The following ITGB5 variants were observed in gnomAD, a reference collection of about 807,000 sequenced individuals.
ITGB5 encodes integrin subunit beta 5, also known as integrin beta-5.
A neutral mutation model predicts 84.8 loss-of-function variants in ITGB5; 38 were observed. That is an observed-to-expected ratio of 0.45 (90% CI 0.35 to 0.59). ITGB5 has a LOEUF of 0.59. Among genes scored for constraint, ITGB5 ranks in the 20% least tolerant of loss-of-function variants. The pLI, the probability that ITGB5 is intolerant of heterozygous loss-of-function variation, is 0.01. For synonymous variants in ITGB5, 393 were observed against 414.4 expected (o/e 0.95, Z 0.63); for missense variants, 905 against 1,034.5 (o/e 0.87, Z 1.72).
rs1257215819 is a variant in ITGB5 at position 124,764,569 on chromosome 3, A to G, written c.2138-12T>C. On this transcript the variant is annotated splice_polypyrimidine_tract_variant and intron_variant, in intron 13 of 14. Transcript: ENST00000296181. ...GGTGTTTCCACACTCTGGGGGGACCAGAAGCATGGTAAGCAAAGCCACTAG... is the reference window on the plus strand; with the variant it reads ...GGTGTTTCCACACTCTGGGGGGACCGGAAGCATGGTAAGCAAAGCCACTAG... The G allele has an allele frequency of 2.5e-6, 4 of 1,595,490 alleles. No homozygotes were observed. Among genetic ancestry groups the G allele is most frequent in the Non-Finnish European group, 3.4e-6 (4 of 1,165,056 alleles).
intron 10 of ITGB5, among the ~76,000 whole-genome samples, chr3:124,786,731 A>C (rs72972517): frequency 0.018 from 2,726 of 152,288 alleles, 82 homozygotes; most frequent in African/African-American, 0.063. Flanking sequence ...TGTTCTGAGC[A>C]TGACAGACAC....
chr3:124,808,887 C>T, intron 9 of ITGB5, 135 bp downstream of exon 9: 1 of 963,050 alleles, frequency 1.0e-6, no homozygotes, highest in Non-Finnish European at 1.6e-6. Flanking sequence ...GCTTAGGAGA[C>T]TCCTCTGGGA....
chr3:124,897,201 A>G lies in ITGB5; in HGVS notation c.-255+4065T>C, dbSNP rs1160365044. Among the ~76,000 whole-genome samples the G allele has an allele frequency of 3.3e-5, 5 of 152,188 alleles. No individual in the cohort carries two copies. The East Asian group carries it at 7.7e-4, about 23-fold the overall frequency. The stretch of plus-strand genomic sequence containing the variant: ...TGCTTCCTTTGTGAAGCCTTCCAGA[A>G]CTACTGTTGACAGAATGTTTTCCTC... On this transcript the variant is annotated intron_variant, in intron 1 of 4. Coordinates refer to the ITGB5 transcript ENST00000608657.
chr3:124,850,637 T>C (rs2065139077), intron 3 of ITGB5, among the ~76,000 whole-genome samples: 1 of 151,684 alleles, frequency 6.6e-6, no homozygotes, highest in African/African-American at 2.4e-5. Context: ...GGCACATGTA[T>C]ACATATGTAA....
At chr3:124,887,835 G>T, upstream of ITGB5, 1 of 284,062 alleles carries the variant, frequency 3.5e-6, no homozygotes, top group South Asian at 2.7e-5. Flanking sequence ...CCCGCGCGTG[G>T]AACCGCAAAG....
chr3:124,887,996 A>G (rs928711184), upstream of ITGB5, among the ~76,000 whole-genome samples: 20 of 148,292 alleles, frequency 1.3e-4, no homozygotes, highest in Admixed American at 2.7e-4. Flanking sequence ...GGCTCACTGC[A>G]GCCTGGACCT....
intron 10 of ITGB5, among the ~76,000 whole-genome samples, chr3:124,783,048 T>C (rs2064027509): frequency 6.6e-6 from 1 of 151,792 alleles, no homozygotes; most frequent in African/African-American, 2.4e-5. Context: ...CCCAACACTC[T>C]GGGAGGCTGA....
chr3:124,838,696 G>T (rs1354634042), intron 5 of ITGB5, among the ~76,000 whole-genome samples: 1 of 152,062 alleles, frequency 6.6e-6, no homozygotes, highest in Non-Finnish European at 1.5e-5. Context: ...CCGCCTCCGG[G>T]GTTCACACCA....
chr3:124,848,923 G>A (rs1033656643), intron 3 of ITGB5, among the ~76,000 whole-genome samples: 2 of 152,086 alleles, frequency 1.3e-5, no homozygotes, highest in African/African-American at 2.4e-5. Context: ...GGGATTACAG[G>A]TGCCCACCAC....
intron 9 of ITGB5, among the ~76,000 whole-genome samples, chr3:124,806,424 A>ATTTTTTTTTT (rs71145488): frequency 1.1e-4 from 8 of 72,792 alleles, no homozygotes; most frequent in African/African-American, 4.2e-4. Context: ...GCCTCATTCC[A>ATTTTTTTTTT]TTTTTTTTTT....
At chr3:124,821,166 A>G (rs2064695590) in intron 6 of ITGB5, 147 bp downstream of exon 6, 2 of 844,378 alleles carry the variant, frequency 2.4e-6, no homozygotes, top group South Asian at 1.8e-5. Context: ...AGAAGACTGA[A>G]TAATGAAACC....
chr3:124,882,886 G>A (rs1315167109), intron 1 of ITGB5, among the ~76,000 whole-genome samples: 1 of 152,166 alleles, frequency 6.6e-6, no homozygotes, highest in Non-Finnish European at 1.5e-5. Context: ...CTGTCTTAGA[G>A]CAAACTTTTC....
chr3:124,788,658 A>G (rs1395989568), intron 10 of ITGB5, among the ~76,000 whole-genome samples: 2 of 152,180 alleles, frequency 1.3e-5, no homozygotes, highest in East Asian at 3.8e-4. Flanking sequence ...CAGGTAAGGG[A>G]AATTGCTACA....
Position 124,796,826 on chromosome 3 carries a change from A to G in ITGB5, c.1264-9T>C. 1 of 1,583,318 alleles carries G rather than the reference A, an allele frequency of 6.3e-7. No individual in the cohort carries two copies. Among genetic ancestry groups the G allele is most frequent in the Non-Finnish European group, 8.6e-7 (1 of 1,161,722 alleles). ...GATACTTCAAAAGATGCCTGGGCAG[A>G]AGGAAGAGAAGGGATATCATGGCTG... On this transcript the variant is annotated splice_polypyrimidine_tract_variant and intron_variant, in intron 9 of 14. Coordinates refer to ENST00000296181, the MANE Select transcript of ITGB5 (RefSeq NM_002213.5).
Position 124,887,047 on chromosome 3 carries a change from G to T in ITGB5, c.-47C>A, listed in dbSNP as rs1466388962. 13 of 961,062 alleles carry T rather than the reference G, an allele frequency of 1.4e-5. No homozygotes were observed. The African/African-American group carries it at 1.6e-4, about 12-fold the overall frequency. 59.5% of individuals were successfully genotyped at this position (961,062 alleles called of 1,614,324 possible). On this transcript the variant is annotated 5_prime_UTR_variant, in exon 1 of 15. Transcript: ENST00000296181. ...GCGGCGCGGTCGCTGCACTCCGCGG[G>T]GGCCGGCGGCCGGGGCTGGGGCCGG...
chr3:124,829,636 C>G (rs945018754), intron 5 of ITGB5, among the ~76,000 whole-genome samples: 1 of 152,196 alleles, frequency 6.6e-6, no homozygotes, highest in Non-Finnish European at 1.5e-5. Context: ...CTGAAACAAA[C>G]TGGCATGTCC....
At chr3:124,870,729 A>G (rs2107635907) in intron 2 of ITGB5, among the ~76,000 whole-genome samples, 1 of 150,578 alleles carries the variant, frequency 6.6e-6, no homozygotes, top group African/African-American at 2.5e-5. Flanking sequence ...CCATCTCAAA[A>G]GAAAAAAAAA....
At chr3:124,897,166 G>A (rs184961931) in intron 1 of ITGB5, among the ~76,000 whole-genome samples, 25 of 152,190 alleles carry the variant, frequency 1.6e-4, no homozygotes, top group African/African-American at 5.5e-4. Context: ...TTGATACCCC[G>A]CTCAAATGTT....
intron 4 of ITGB5, among the ~76,000 whole-genome samples, chr3:124,844,205 C>CAA (rs58956636): frequency 1.2e-5 from 1 of 85,914 alleles, no homozygotes; most frequent in Non-Finnish European, 2.2e-5. Context: ...TTGGTTTTGG[C>CAA]AAAAAAAAAA....
Sources: allele counts gnomAD v4.1 joint callset (sites outside exome capture counted in the v4.1 genomes callset), GRCh38; gene constraint gnomAD v4.1.1; transcripts MANE v1.5; gene names NCBI Gene and HGNC (gene_info 2026-07-23, HGNC 2026-07-21).